The following SGSM1 variants were observed in gnomAD, a reference collection of about 807,000 sequenced individuals.
SGSM1 encodes RUN and TBC1 domain containing 2.
In SGSM1, 73 loss-of-function variants were observed where a neutral mutation model predicts 133.8. The observed-to-expected ratio is 0.55, with a 90% CI of 0.45 to 0.66. The LOEUF is 0.66. Ranked by LOEUF, SGSM1 falls within the 30% of genes least tolerant of loss-of-function variation. The probability of loss-of-function intolerance (pLI) is 0.00; values close to 1 mark genes in which losing one functional copy is unlikely to be tolerated. For synonymous variants in SGSM1, 563 were observed against 573.0 expected (o/e 0.98, Z 0.25); for missense variants, 1,213 against 1,448.1 (o/e 0.84, Z 2.64).
chr22:24,825,863 T>C (rs975183481), intron 2 of SGSM1, among the ~76,000 whole-genome samples: 1 of 152,108 alleles, frequency 6.6e-6, no homozygotes, highest in African/African-American at 2.4e-5. Context: ...TCAGTGGTCC[T>C]CACCCCACCT....
At chr22:24,913,282 G>A (rs1338680331) in intron 22 of SGSM1, among the ~76,000 whole-genome samples, 1 of 128,386 alleles carries the variant, frequency 7.8e-6, no homozygotes, top group African/African-American at 3.0e-5. Context: ...GACAGAGCAA[G>A]ACTCCATCTC....
intron 2 of SGSM1, among the ~76,000 whole-genome samples, chr22:24,817,819 G>A (rs1190131556): frequency 6.6e-6 from 1 of 152,236 alleles, no homozygotes; most frequent in African/African-American, 2.4e-5. Flanking sequence ...CTGAGATCAG[G>A]GCGGCAGCAT....
At chr22:24,854,684 C>T (rs372752518) in intron 5 of SGSM1, among the ~76,000 whole-genome samples, 6 of 152,104 alleles carry the variant, frequency 3.9e-5, no homozygotes, top group South Asian at 2.1e-4. Context: ...CCAGTGGTGG[C>T]GCATGCCTCT....
intron 2 of SGSM1, among the ~76,000 whole-genome samples, chr22:24,840,881 C>T (rs539439646): frequency 6.6e-5 from 10 of 152,186 alleles, no homozygotes; most frequent in East Asian, 1.9e-4. Context: ...GACGGAGTCT[C>T]GCTCTTTCAC....
At chr22:24,811,897 C>T (rs1380049779) in intron 2 of SGSM1, among the ~76,000 whole-genome samples, 2 of 147,978 alleles carry the variant, frequency 1.4e-5, no homozygotes, top group Non-Finnish European at 3.0e-5. Flanking sequence ...TATGACCAGG[C>T]ATGGTGGCTC....
intron 2 of SGSM1, among the ~76,000 whole-genome samples, chr22:24,822,159 C>T (rs1417100662): frequency 2.1e-5 from 3 of 143,996 alleles, no homozygotes; most frequent in African/African-American, 5.2e-5. Flanking sequence ...GGCACGATCT[C>T]GGCTCACTGC....
chr22:24,918,753 C>T (rs1209662197), intron 23 of SGSM1, among the ~76,000 whole-genome samples: 3 of 151,094 alleles, frequency 2.0e-5, no homozygotes, highest in East Asian at 1.9e-4. Flanking sequence ...TTTTTGGAGA[C>T]GGAGTCTTAC....
chr22:24,822,805 C>A (rs906121308), intron 2 of SGSM1, among the ~76,000 whole-genome samples: 4 of 152,204 alleles, frequency 2.6e-5, no homozygotes, highest in African/African-American at 4.8e-5. Flanking sequence ...GGCTCCAGAG[C>A]AAGAGACTTT....
At chr22:24,838,290 G>A (rs565387401) in intron 2 of SGSM1, among the ~76,000 whole-genome samples, 15 of 152,344 alleles carry the variant, frequency 9.8e-5, no homozygotes, top group Admixed American at 7.2e-4. Flanking sequence ...AGGAAGAAGG[G>A]TTTAATTGGG....
chr22:24,818,436 C>T (rs1008393377), intron 2 of SGSM1, among the ~76,000 whole-genome samples: 1 of 150,702 alleles, frequency 6.6e-6, no homozygotes, highest in African/African-American at 2.4e-5. Context: ...GGTGCGATCT[C>T]GGCTCAATGA....
chr22:24,910,673 A>G (rs752209423), intron 21 of SGSM1, among the ~76,000 whole-genome samples: 9 of 152,120 alleles, frequency 5.9e-5, no homozygotes, highest in Admixed American at 1.3e-4. Context: ...GTCCAGGCCC[A>G]GTAGCTCACA....
At chr22:24,836,124 C>A (rs1929414124) in intron 2 of SGSM1, among the ~76,000 whole-genome samples, 1 of 152,146 alleles carries the variant, frequency 6.6e-6, no homozygotes, top group Non-Finnish European at 1.5e-5. Context: ...TCTCCCCAGC[C>A]CCTGGCAACC....
At chr22:24,835,928 A>G (rs899646304) in intron 2 of SGSM1, among the ~76,000 whole-genome samples, 12 of 152,350 alleles carry the variant, frequency 7.9e-5, no homozygotes, top group African/African-American at 2.9e-4. Context: ...TATTTATACT[A>G]TGTGAACATA....
chr22:24,841,038 GAC>G (rs1467637642), intron 2 of SGSM1, among the ~76,000 whole-genome samples: 2 of 151,988 alleles, frequency 1.3e-5, no homozygotes, highest in African/African-American at 2.4e-5. Flanking sequence ...TTTTAGTAGA[GAC>G]GGGGTTTCAC....
chr22:24,816,417 C>CTTTTTTTTTTTTTTTTTTT (rs3062145), intron 2 of SGSM1, among the ~76,000 whole-genome samples: 6 of 130,098 alleles, frequency 4.6e-5, no homozygotes, highest in African/African-American at 1.1e-4. Context: ...TTTTTTCTTT[C>CTTTTTTTTTTTTTTTTTTT]TTTTTTTTTT....
intron 2 of SGSM1, among the ~76,000 whole-genome samples, chr22:24,809,399 G>C (rs533466766): frequency 6.6e-6 from 1 of 152,226 alleles, no homozygotes; most frequent in African/African-American, 2.4e-5. Flanking sequence ...TGTCTTCTGT[G>C]TGTACATCTG....
intron 2 of SGSM1, among the ~76,000 whole-genome samples, chr22:24,832,904 C>T (rs1929198924): frequency 6.6e-6 from 1 of 151,994 alleles, no homozygotes; most frequent in South Asian, 2.1e-4. Context: ...CTGATCTTCA[C>T]ATGATCTTCC....
At chr22:24,851,459 A>G (rs1376928123) in intron 5 of SGSM1, among the ~76,000 whole-genome samples, 4 of 123,106 alleles carry the variant, frequency 3.2e-5, no homozygotes, top group African/African-American at 1.9e-4. Flanking sequence ...GGAGAGAGAG[A>G]GAGAGAGAGA....
At chr22:24,856,103 G>T (rs1230167211) in intron 8 of SGSM1, 2 of 361,488 alleles carry the variant, frequency 5.5e-6, no homozygotes, top group Non-Finnish European at 1.1e-5. Flanking sequence ...TCACTCACCT[G>T]CATACCCAGG....
Sources: gnomAD v4.1 joint callset for allele counts (sites outside exome capture counted in the v4.1 genomes callset) on GRCh38, gnomAD v4.1.1 for gene constraint, MANE v1.5 for transcripts, NCBI Gene and HGNC (gene_info 2026-07-23, HGNC 2026-07-21) for gene names.